GRIA1: variants seen among roughly 807,000 people sequenced by gnomAD.
GRIA1 encodes glutamate receptor 1.
GRIA1 carries 31 observed loss-of-function variants against 99.2 expected under a neutral mutation model. That is an observed-to-expected ratio of 0.31 (90% confidence interval 0.23 to 0.42). GRIA1 has a LOEUF of 0.42. GRIA1 is among the 10% of genes least tolerant of loss of function. The probability of loss-of-function intolerance (pLI) is 1.00; values close to 1 mark genes in which losing one functional copy is unlikely to be tolerated. For synonymous variants in GRIA1, 438 were observed against 432.4 expected (o/e 1.01, Z -0.16); for missense variants, 782 against 1,157.5 (o/e 0.68, Z 4.71).
chr5:153,702,057 G>C (rs182578161), intron 10 of GRIA1, among the ~76,000 whole-genome samples: 1 of 152,292 alleles, frequency 6.6e-6, no homozygotes, highest in Admixed American at 6.5e-5. Flanking sequence ...TAGATAATTT[G>C]GCAAAGGAAA....
intron 2 of GRIA1, among the ~76,000 whole-genome samples, chr5:153,607,042 GAT>G (rs59233877): frequency 0.3 from 38,316 of 127,596 alleles, 5,703 homozygotes; most frequent in East Asian, 0.67. Context: ...TATCACAAAA[GAT>G]ATATATATAT....
At chr5:153,783,279 C>CTAT (rs1764754569) in intron 13 of GRIA1, among the ~76,000 whole-genome samples, 1 of 152,246 alleles carries the variant, frequency 6.6e-6, no homozygotes, top group Non-Finnish European at 1.5e-5. Flanking sequence ...AGTGTTTCCA[C>CTAT]TCCCTCCATT....
intron 1 of GRIA1, chr5:153,492,181 A>T (rs1157202480): frequency 1.3e-6 from 2 of 1,522,204 alleles, no homozygotes; most frequent in Non-Finnish European, 1.8e-6. Flanking sequence ...GGTGCAATTG[A>T]TATTTTGTCG....
chr5:153,704,959 G>A (rs1351500807), intron 10 of GRIA1, among the ~76,000 whole-genome samples: 2 of 152,200 alleles, frequency 1.3e-5, no homozygotes, highest in African/African-American at 4.8e-5. Context: ...CACATAGTAA[G>A]TGTTCAATAA....
At chr5:153,654,315 T>C (rs1397728748) in intron 4 of GRIA1, among the ~76,000 whole-genome samples, 4 of 152,170 alleles carry the variant, frequency 2.6e-5, no homozygotes, top group African/African-American at 9.7e-5. Context: ...TCAAAAGTCA[T>C]CAGTTATCAG....
intron 13 of GRIA1, among the ~76,000 whole-genome samples, chr5:153,782,862 A>G (rs1332025605): frequency 6.6e-6 from 1 of 152,200 alleles, no homozygotes; most frequent in African/African-American, 2.4e-5. Flanking sequence ...TTCTTTTTCA[A>G]TCTTTGTTGT....
At chr5:153,723,477 T>C (rs1055321803) in intron 11 of GRIA1, among the ~76,000 whole-genome samples, 2 of 152,180 alleles carry the variant, frequency 1.3e-5, no homozygotes, top group African/African-American at 4.8e-5. Flanking sequence ...ATCAGGGAGT[T>C]CCCTTTCCTA....
intron 13 of GRIA1, among the ~76,000 whole-genome samples, chr5:153,789,172 T>C (rs1252696805): frequency 6.6e-6 from 1 of 152,180 alleles, no homozygotes; most frequent in Non-Finnish European, 1.5e-5. Flanking sequence ...ATTCTGGTAA[T>C]TGATCTCTTG....
intron 11 of GRIA1, among the ~76,000 whole-genome samples, chr5:153,713,633 T>C (rs143792516): frequency 3.3e-5 from 5 of 152,358 alleles, no homozygotes; most frequent in South Asian, 4.1e-4. Flanking sequence ...TCACTGGATA[T>C]GCAAATGAAA....
chr5:153,648,137 G>C (rs1287766700), intron 3 of GRIA1, among the ~76,000 whole-genome samples: 1 of 152,210 alleles, frequency 6.6e-6, no homozygotes, highest in Admixed American at 6.5e-5. Context: ...GTTGGAGAGA[G>C]GTTTGTGAAA....
rs143453126 is a variant in GRIA1, at chr5:153,752,114, G to A, written c.1824-12320G>A. Among the ~76,000 whole-genome samples the A allele has an allele frequency of 6.1e-3, 923 of 152,152 alleles. 10 individuals are homozygous for A. The highest frequency in any genetic ancestry group is 0.021 in the African/African-American group (877 of 41,484). ...AGTAACACCTTAAATCAATACAGCC[G>A]AGTGATTATATTGTAATGGAAGAAT... On this transcript the variant is annotated intron_variant, in intron 11 of 15. Coordinates refer to ENST00000285900, the MANE Select transcript of GRIA1 (RefSeq NM_000827.4).
Position 153,811,342 on chromosome 5 carries a change from C to A in GRIA1, c.*117C>A. ...CGCAACCACCACCAACCACTGCGAC[C>A]ACAAGAAGGATGATTCAACAGGTTT... On this transcript the variant is annotated 3_prime_UTR_variant, in exon 16 of 16. Coordinates refer to ENST00000285900, the MANE Select transcript of GRIA1 (RefSeq NM_000827.4). 8 of 689,196 alleles carry A rather than the reference C, an allele frequency of 1.2e-5. No individual in the cohort carries two copies. In the East Asian group the frequency reaches 2.2e-4, roughly 19 times the overall value. 42.7% of individuals were successfully genotyped at this position (689,196 alleles called of 1,614,324 possible).
At chr5:153,729,517 G>A (rs1760855010) in intron 11 of GRIA1, among the ~76,000 whole-genome samples, 2 of 151,910 alleles carry the variant, frequency 1.3e-5, no homozygotes, top group South Asian at 4.2e-4. Flanking sequence ...CAGTTAGATT[G>A]GAGGTATTGG....
chr5:153,542,296 A>G (rs1158493912), intron 2 of GRIA1, among the ~76,000 whole-genome samples: 1 of 152,110 alleles, frequency 6.6e-6, no homozygotes, highest in Non-Finnish European at 1.5e-5. Context: ...CCTCCCCTAC[A>G]TTCTCCACTT....
intron 13 of GRIA1, among the ~76,000 whole-genome samples, chr5:153,785,631 C>A (rs892459716): frequency 1.3e-5 from 2 of 152,192 alleles, no homozygotes; most frequent in African/African-American, 4.8e-5. Flanking sequence ...CACTACACAA[C>A]GCTTATCTTT....
chr5:153,523,016 A>ATTTCTCTCTCTC (rs138535593), intron 2 of GRIA1, among the ~76,000 whole-genome samples: 1 of 141,556 alleles, frequency 7.1e-6, no homozygotes, highest in African/African-American at 2.7e-5. Flanking sequence ...TGTTCCTGAT[A>ATTTCTCTCTCTC]TCTCTCTCTC....
At chr5:153,697,426 T>C (rs974130361) in intron 8 of GRIA1, among the ~76,000 whole-genome samples, 1 of 152,178 alleles carries the variant, frequency 6.6e-6, no homozygotes, top group Non-Finnish European at 1.5e-5. Context: ...TGAATTAGTA[T>C]AAATAACCTA....
chr5:153,594,403 C>G (rs1764246222), intron 2 of GRIA1, among the ~76,000 whole-genome samples: 1 of 151,810 alleles, frequency 6.6e-6, no homozygotes, highest in Non-Finnish European at 1.5e-5. Flanking sequence ...TGGGTGATAC[C>G]TTCAACTTCG....
chr5:153,504,544 G>T (rs1482850176), intron 2 of GRIA1, among the ~76,000 whole-genome samples: 1 of 151,976 alleles, frequency 6.6e-6, no homozygotes, highest in African/African-American at 2.4e-5. Flanking sequence ...AAGTCAACAT[G>T]CTAAAGTCAG....
Sources: allele counts gnomAD v4.1 joint callset (sites outside exome capture counted in the v4.1 genomes callset), GRCh38; gene constraint gnomAD v4.1.1; transcripts MANE v1.5; gene names NCBI Gene and HGNC (gene_info 2026-07-23, HGNC 2026-07-21).